EXOC4: variants seen among roughly 807,000 people sequenced by gnomAD.
EXOC4 encodes exocyst complex component 4, also known as SEC8-like 1.
A neutral mutation model predicts 107.2 loss-of-function variants in EXOC4; 71 were observed. That is an observed-to-expected ratio of 0.66 (90% CI 0.55 to 0.81). The LOEUF (loss-of-function observed/expected upper bound fraction) is 0.81. Among genes scored for constraint, EXOC4 ranks in the 30% least tolerant of loss-of-function variants. The pLI is 0.00. For missense variants in EXOC4, 1,108 were observed against 1,189.6 expected, an observed-to-expected ratio of 0.93 and a Z score of 1.01; for synonymous variants, 456 against 441.2, an observed-to-expected ratio of 1.03 and a Z score of -0.42.
chr7:133,983,519 G>C (rs1794043602), intron 14 of EXOC4, among the ~76,000 whole-genome samples: 1 of 152,060 alleles, frequency 6.6e-6, no homozygotes, highest in Non-Finnish European at 1.5e-5. Context: ...ATTTCTGTTT[G>C]GTTCAGTTTC....
At chr7:133,385,426 C>G (rs1340359700) in intron 7 of EXOC4, among the ~76,000 whole-genome samples, 2 of 152,134 alleles carry the variant, frequency 1.3e-5, no homozygotes, top group African/African-American at 4.8e-5. Flanking sequence ...GTCTACTGCT[C>G]TTAATTTGTT....
intron 10 of EXOC4, among the ~76,000 whole-genome samples, chr7:133,801,154 C>T (rs752143207): frequency 1.9e-4 from 29 of 152,096 alleles, no homozygotes; most frequent in Non-Finnish European, 2.9e-4. Flanking sequence ...TATATATTAT[C>T]GGGAAACGAG....
intron 12 of EXOC4, among the ~76,000 whole-genome samples, chr7:133,896,811 G>A (rs1017443550): frequency 1.4e-5 from 2 of 139,274 alleles, no homozygotes; most frequent in African/African-American, 5.9e-5. Flanking sequence ...GACTACAGGT[G>A]CGCGCCACCA....
intron 9 of EXOC4, among the ~76,000 whole-genome samples, chr7:133,545,076 AAC>A (rs1800454646): frequency 6.6e-6 from 1 of 151,978 alleles, no homozygotes; most frequent in Non-Finnish European, 1.5e-5. Context: ...AGGTTACTTC[AAC>A]AATTCCCTTG....
intron 9 of EXOC4, among the ~76,000 whole-genome samples, chr7:133,605,246 CA>C (rs1314524966): frequency 2.6e-5 from 4 of 152,110 alleles, no homozygotes; most frequent in Non-Finnish European, 4.4e-5. Flanking sequence ...CAAGAGCAAA[CA>C]AAACAAAGTT....
intron 10 of EXOC4, among the ~76,000 whole-genome samples, chr7:133,706,924 C>T (rs1794780724): frequency 1.3e-5 from 2 of 152,204 alleles, no homozygotes; most frequent in Admixed American, 1.3e-4. Flanking sequence ...CTAATACTGT[C>T]ACACTGGGGA....
intron 11 of EXOC4, among the ~76,000 whole-genome samples, chr7:133,821,373 C>T (rs923624418): frequency 6.6e-6 from 1 of 152,176 alleles, no homozygotes; most frequent in Admixed American, 6.5e-5. Flanking sequence ...GGAGTCAGTG[C>T]TCCCAGCCAG....
chr7:133,952,983 G>A (rs1309945015), intron 14 of EXOC4, among the ~76,000 whole-genome samples: 2 of 152,106 alleles, frequency 1.3e-5, no homozygotes, highest in Non-Finnish European at 2.9e-5. Flanking sequence ...TTCAAGTCCT[G>A]GTTTTCAGAT....
At chr7:133,737,909 C>CTTTTTTTTTTTTTTTTTTTTTTTTT (rs10673346) in intron 10 of EXOC4, among the ~76,000 whole-genome samples, 2 of 89,328 alleles carry the variant, frequency 2.2e-5, no homozygotes, top group African/African-American at 4.3e-5. Flanking sequence ...ATTTTTCTTT[C>CTTTTTTTTTTTTTTTTTTTTTTTTT]TTTTTTTTTT....
chr7:134,073,678 T>G, the EXOC4 span, among the ~76,000 whole-genome samples: 1 of 152,118 alleles, frequency 6.6e-6, no homozygotes, highest in Non-Finnish European at 1.5e-5. Flanking sequence ...TTTTTTTTAA[T>G]TTTTAAAAAT....
chr7:133,445,104 C>T (rs1055572348), intron 7 of EXOC4, among the ~76,000 whole-genome samples: 2 of 152,018 alleles, frequency 1.3e-5, no homozygotes, highest in African/African-American at 2.4e-5. Context: ...TTCCTCCTGT[C>T]ATGTACTTGA....
At chr7:133,613,605 A>C (rs1160873422) in intron 9 of EXOC4, among the ~76,000 whole-genome samples, 1 of 137,962 alleles carries the variant, frequency 7.2e-6, no homozygotes, top group African/African-American at 3.0e-5. Flanking sequence ...ATGACATTAC[A>C]AAAAAAAAAA....
At position 133,633,248 on chromosome 7, in the gene EXOC4, T is replaced by G. The variant is rs78989511; in HGVS notation, c.1514+3107T>G. 4.8e-3 allele frequency among the ~76,000 whole-genome samples: 732 copies of G among 152,224 alleles called. 3 individuals carry two copies. Among genetic ancestry groups the G allele is most frequent in the Middle Eastern group, 0.017 (5 of 294 alleles). On this transcript the variant is annotated intron_variant, in intron 10 of 17. Coordinates refer to ENST00000253861, the MANE Select transcript of EXOC4 (RefSeq NM_021807.4). ...TTGGTTCAGCCTCTCTCAAAACTGG[T>G]TTGACATGATTGAGAAATCACATTT... is the stretch of plus-strand genomic sequence containing the variant.
At chr7:133,355,810 G>T (rs1472537622) in intron 5 of EXOC4, among the ~76,000 whole-genome samples, 1 of 151,984 alleles carries the variant, frequency 6.6e-6, no homozygotes, top group East Asian at 1.9e-4. Flanking sequence ...TCAAAGTCTT[G>T]TCTCACTTGT....
At chr7:134,095,462 A>G in the EXOC4 span, among the ~76,000 whole-genome samples, 5,272 of 152,274 alleles carry the variant, frequency 0.035, 290 homozygotes, top group African/African-American at 0.11. Context: ...CAGAATTAGA[A>G]AAAACTATTC....
At chr7:133,883,628 CAG>C (rs1378312543) in intron 11 of EXOC4, among the ~76,000 whole-genome samples, 1 of 151,460 alleles carries the variant, frequency 6.6e-6, no homozygotes, top group Admixed American at 6.6e-5. Context: ...GACCCCATCT[CAG>C]GGGGAAAAAA....
chr7:133,512,184 C>G (rs938256602), intron 9 of EXOC4, among the ~76,000 whole-genome samples: 4 of 152,030 alleles, frequency 2.6e-5, no homozygotes, highest in Admixed American at 2.6e-4. Flanking sequence ...AATCCCAGCA[C>G]TTTGGGAGGC....
At chr7:133,629,768 G>T (rs1216416431) in intron 9 of EXOC4, among the ~76,000 whole-genome samples, 1 of 151,168 alleles carries the variant, frequency 6.6e-6, no homozygotes, top group Admixed American at 6.6e-5. Context: ...GTCTCGAACT[G>T]CTGGCCTCAA....
Position 133,937,897 on chromosome 7 carries a change from T to A in EXOC4, c.2034T>A (p.Ala678=). The part of the protein sequence containing the change: ...REEEEDFIRA[A]FGKESEVLIG... Reference sequence around the variant, plus strand: ...TTTCTGATTTGCTTTTCAGGGCAGCTTTTGGCAAGGAGTCTGAAGTTCTTA... The same window carrying A: ...TTTCTGATTTGCTTTTCAGGGCAGCATTTGGCAAGGAGTCTGAAGTTCTTA... The change falls in exon 14 of 18, where the codon GCT becomes GCA. Residue 678 remains alanine (A), a synonymous_variant. Transcript: ENST00000253861. 1 of 1,614,144 alleles carries A rather than the reference T, an allele frequency of 6.2e-7. No homozygotes were observed. The highest frequency in any genetic ancestry group is 2.2e-5 in the East Asian group (1 of 44,890).
Sources: gnomAD v4.1 joint callset for allele counts (sites outside exome capture counted in the v4.1 genomes callset) on GRCh38, gnomAD v4.1.1 for gene constraint, MANE v1.5 for transcripts, NCBI Gene and HGNC (gene_info 2026-07-23, HGNC 2026-07-21) for gene names.